The following ARHGAP44 variants were observed in gnomAD, a reference collection of about 807,000 sequenced individuals.
ARHGAP44 encodes Rho GTPase activating protein 44, also known as rho GTPase-activating protein 44.
ARHGAP44 carries 43 observed loss-of-function variants against 106.8 expected under a neutral mutation model. That is an observed-to-expected ratio of 0.40 (90% confidence interval 0.32 to 0.52). ARHGAP44 has a LOEUF of 0.52. Among genes scored for constraint, ARHGAP44 ranks in the 20% least tolerant of loss-of-function variants. ARHGAP44 has a pLI of 0.48. For missense variants in ARHGAP44, 866 were observed against 1,050.5 expected (o/e 0.82, Z 2.43); for synonymous variants, 439 against 410.3 (o/e 1.07, Z -0.85).
chr17:12,950,548 G>A (rs1417297875), intron 12 of ARHGAP44, among the ~76,000 whole-genome samples: 2 of 152,212 alleles, frequency 1.3e-5, no homozygotes, highest in South Asian at 2.1e-4. Flanking sequence ...GGTTATGCGT[G>A]CATTAGGATG....
chr17:12,967,251 T>C (rs1465690882), intron 16 of ARHGAP44, among the ~76,000 whole-genome samples: 9 of 32,818 alleles, frequency 2.7e-4, no homozygotes, highest in African/African-American at 6.5e-4. Flanking sequence ...TCTTTTTGCT[T>C]TTTTTTTTTT....
At chr17:12,923,458 C>G (rs1366292599) in intron 6 of ARHGAP44, among the ~76,000 whole-genome samples, 1 of 152,168 alleles carries the variant, frequency 6.6e-6, no homozygotes, top group South Asian at 2.1e-4. Context: ...TCAGGTAGAT[C>G]CGTCTGCCTC....
chr17:12,942,202 A>C (rs575560701), intron 8 of ARHGAP44, among the ~76,000 whole-genome samples: 4 of 152,342 alleles, frequency 2.6e-5, no homozygotes, highest in East Asian at 3.9e-4. Context: ...GCTGGAGTGC[A>C]GTGGCGTGAT....
intron 1 of ARHGAP44, among the ~76,000 whole-genome samples, chr17:12,803,434 C>G (rs1385049335): frequency 6.6e-6 from 1 of 152,074 alleles, no homozygotes; most frequent in African/African-American, 2.4e-5. Context: ...TATCTCTTAC[C>G]TATCCAGTTG....
intron 1 of ARHGAP44, among the ~76,000 whole-genome samples, chr17:12,886,772 C>T (rs535416053): frequency 1.3e-5 from 2 of 152,086 alleles, no homozygotes; most frequent in East Asian, 3.9e-4. Context: ...TATCTACATG[C>T]TTTTTTTCTT....
intron 3 of ARHGAP44, among the ~76,000 whole-genome samples, chr17:12,904,844 G>A (rs1052678199): frequency 6.6e-6 from 1 of 152,090 alleles, no homozygotes; most frequent in Non-Finnish European, 1.5e-5. Flanking sequence ...AGTGGTTGAG[G>A]GATGAGTGAG....
intron 1 of ARHGAP44, among the ~76,000 whole-genome samples, chr17:12,869,793 CTT>C (rs75326547): frequency 0.22 from 32,636 of 149,222 alleles, 3,786 homozygotes; most frequent in African/African-American, 0.3. Flanking sequence ...ATATATGTAA[CTT>C]TTTTTTTTTA....
At chr17:12,984,957 A>G in intron 20 of ARHGAP44, 49 bp downstream of exon 20, 1 of 1,554,810 alleles carries the variant, frequency 6.4e-7, no homozygotes, top group Non-Finnish European at 8.7e-7. Context: ...CTTTAGTGAA[A>G]TGTGCCTAGG....
intron 1 of ARHGAP44, among the ~76,000 whole-genome samples, chr17:12,824,218 T>G (rs182598640): frequency 8.5e-5 from 13 of 152,226 alleles, no homozygotes; most frequent in South Asian, 2.1e-4. Flanking sequence ...CTCCTGAGCC[T>G]TCTTTGAGCT....
intron 1 of ARHGAP44, among the ~76,000 whole-genome samples, chr17:12,850,282 T>C (rs76233836): frequency 0.014 from 2,170 of 152,174 alleles, 49 homozygotes; most frequent in East Asian, 0.068. Flanking sequence ...ACTTTCATAG[T>C]CACAAAATGG....
chr17:12,979,933 C>A, intron 18 of ARHGAP44, 125 bp from the exon 19 acceptor site: 1 of 1,069,638 alleles, frequency 9.3e-7, no homozygotes, highest in Non-Finnish European at 1.3e-6. Context: ...GGGGCCAAGA[C>A]AGACCAGAGC....
intron 1 of ARHGAP44, among the ~76,000 whole-genome samples, chr17:12,802,969 AT>A (rs1162376884): frequency 1.3e-3 from 54 of 40,800 alleles, no homozygotes; most frequent in African/African-American, 1.6e-3. Flanking sequence ...ATATATATAT[AT>A]TTTTTTTTTT....
At chr17:12,847,172 A>G (rs1567645917) in intron 1 of ARHGAP44, among the ~76,000 whole-genome samples, 1 of 152,190 alleles carries the variant, frequency 6.6e-6, no homozygotes, top group Non-Finnish European at 1.5e-5. Context: ...CTGATTTGCT[A>G]CAAAATGTGT....
At chr17:12,929,653 A>C (rs2038343556) in intron 7 of ARHGAP44, among the ~76,000 whole-genome samples, 2 of 152,172 alleles carry the variant, frequency 1.3e-5, no homozygotes, top group African/African-American at 2.4e-5. Context: ...TTTCTTGCAA[A>C]TATTTCACAG....
At chr17:12,987,278 C>T in intron 20 of ARHGAP44, 1 of 800,296 alleles carries the variant, frequency 1.2e-6, no homozygotes, top group South Asian at 2.2e-5. Flanking sequence ...ACTCTCCAGC[C>T]TTCCCCGGCC....
intron 18 of ARHGAP44, among the ~76,000 whole-genome samples, chr17:12,975,848 A>AGTTCAC (rs2039668777): frequency 6.6e-6 from 1 of 151,902 alleles, no homozygotes; most frequent in African/African-American, 2.4e-5. Flanking sequence ...GCCCTTAAAA[A>AGTTCAC]GTTCACGTTC....
intron 1 of ARHGAP44, among the ~76,000 whole-genome samples, chr17:12,868,940 C>T (rs1416900685): frequency 6.6e-6 from 1 of 151,622 alleles, no homozygotes; most frequent in Non-Finnish European, 1.5e-5. Flanking sequence ...CAGGTGTGAG[C>T]CACCGCGCCC....
At position 12,944,152 on chromosome 17, in the gene ARHGAP44, G is replaced by C; in HGVS notation, c.817G>C (p.Glu273Gln). The C allele has an allele frequency of 6.2e-7, 1 of 1,612,384 alleles. No homozygotes were observed. Among genetic ancestry groups the C allele is most frequent in the Non-Finnish European group, 8.5e-7 (1 of 1,179,772 alleles). Reference sequence around the variant, plus strand: ...CGGCCGGGAGATCGCCTTCCCCATCGAGGCGTGTGTGACCATGCTGCTTGA... The same window carrying C: ...CGGCCGGGAGATCGCCTTCCCCATCCAGGCGTGTGTGACCATGCTGCTTGA... ...ISGREIAFPI[E>Q]ACVTMLLECG... The change falls in exon 10 of 21, where the codon GAG becomes CAG. Residue 273 changes from glutamate (E) to glutamine (Q), a missense_variant. Physicochemically the swap from Glu to Gln is conservative, Grantham distance 29. Coordinates refer to ENST00000379672, the MANE Select transcript of ARHGAP44 (RefSeq NM_014859.6).
chr17:12,881,253 T>G (rs908611482), intron 1 of ARHGAP44, among the ~76,000 whole-genome samples: 1 of 152,132 alleles, frequency 6.6e-6, no homozygotes, highest in Non-Finnish European at 1.5e-5. Context: ...GTCTAAAATA[T>G]AAGATATTCT....
Sources: allele counts gnomAD v4.1 joint callset (sites outside exome capture counted in the v4.1 genomes callset), GRCh38; gene constraint gnomAD v4.1.1; transcripts MANE v1.5; gene names NCBI Gene and HGNC (gene_info 2026-07-23, HGNC 2026-07-21).